The following DNAJC6 variants were observed in gnomAD, a reference collection of about 807,000 sequenced individuals.
The protein encoded by DNAJC6 is DnaJ heat shock protein family (Hsp40) member C6, also known as auxilin.
In DNAJC6, 34 loss-of-function variants were observed where a neutral mutation model predicts 110.0. The observed-to-expected ratio is 0.31, with a 90% CI of 0.24 to 0.41. The LOEUF is 0.41. Among genes scored for constraint, DNAJC6 ranks in the 10% least tolerant of loss-of-function variants. DNAJC6 has a pLI of 1.00. For missense variants in DNAJC6, 1,031 were observed against 1,207.8 expected, an observed-to-expected ratio of 0.85 and a Z score of 2.17; for synonymous variants, 406 against 437.2, an observed-to-expected ratio of 0.93 and a Z score of 0.89.
At chr1:65,274,930 G>A (rs1009133926) in intron 1 of DNAJC6, among the ~76,000 whole-genome samples, 4 of 152,062 alleles carry the variant, frequency 2.6e-5, no homozygotes, top group South Asian at 2.1e-4. Context: ...GCCTGCGTGC[G>A]TGTGCAAGTG....
intron 1 of DNAJC6, among the ~76,000 whole-genome samples, chr1:65,320,307 C>T (rs1645186362): frequency 1.3e-5 from 2 of 152,268 alleles, no homozygotes; most frequent in Admixed American, 6.5e-5. Flanking sequence ...CTTACTTTAC[C>T]TCTGTAGGAA....
chr1:65,375,583 G>C (rs373762338), intron 4 of DNAJC6, among the ~76,000 whole-genome samples: 12 of 151,968 alleles, frequency 7.9e-5, no homozygotes, highest in Admixed American at 6.6e-4. Context: ...CTGCCACCAC[G>C]CCCGGCTAAT....
chr1:65,365,915 T>C lies in DNAJC6; in HGVS notation c.375T>C (p.Tyr125=), dbSNP rs770837044. 3.1e-6 allele frequency: 5 copies of C among 1,613,526 alleles called. No individual in the cohort carries two copies. In the South Asian group the frequency reaches 3.3e-5, roughly 11 times the overall value. The change falls in exon 3 of 19, where the codon TAT becomes TAC. Residue 125 remains tyrosine, a synonymous_variant. Transcript: ENST00000371069. The part of the protein sequence containing the change: ...SYTKGDLDFT[Y]VTSRIIVMSF... ...CAAAGGGAGATTTAGACTTCACTTA[T>C]GTTACCTCCAGAATTATTGGTAAGT...
intron 1 of DNAJC6, among the ~76,000 whole-genome samples, chr1:65,347,577 G>A (rs1433015038): frequency 6.6e-6 from 1 of 151,910 alleles, no homozygotes; most frequent in South Asian, 2.1e-4. Flanking sequence ...GTATTTTAAT[G>A]TATAAAATAT....
intron 4 of DNAJC6, among the ~76,000 whole-genome samples, chr1:65,373,628 G>GT (rs60515960): frequency 0.47 from 68,719 of 144,706 alleles, 16,138 homozygotes; most frequent in Middle Eastern, 0.57. Flanking sequence ...TTTTTAATTT[G>GT]TTTTTTTTTT....
intron 11 of DNAJC6, among the ~76,000 whole-genome samples, chr1:65,391,307 A>G (rs1040028512): frequency 6.6e-6 from 1 of 152,162 alleles, no homozygotes; most frequent in Non-Finnish European, 1.5e-5. Context: ...ATTACATTTT[A>G]TAATTTGGAA....
chr1:65,343,829 A>C (rs574483602), intron 1 of DNAJC6, among the ~76,000 whole-genome samples: 11 of 152,312 alleles, frequency 7.2e-5, no homozygotes, highest in African/African-American at 2.2e-4. Context: ...GAAGAAGGAA[A>C]AAGGGAATTC....
chr1:65,403,745 C>T (rs1377054750), intron 15 of DNAJC6, among the ~76,000 whole-genome samples: 1 of 152,178 alleles, frequency 6.6e-6, no homozygotes, highest in African/African-American at 2.4e-5. Flanking sequence ...TGTAAGTTCT[C>T]TGCTTCAATA....
chr1:65,389,839 T>C (rs180999407), intron 11 of DNAJC6, among the ~76,000 whole-genome samples: 778 of 151,716 alleles, frequency 5.1e-3, no homozygotes, highest in African/African-American at 0.018. Flanking sequence ...AGTGAGACCC[T>C]ATCTCAACAA....
At chr1:65,322,223 C>T (rs1323656540) in intron 1 of DNAJC6, among the ~76,000 whole-genome samples, 1 of 152,116 alleles carries the variant, frequency 6.6e-6, no homozygotes, top group African/African-American at 2.4e-5. Flanking sequence ...AAATTAACCC[C>T]CCCAAACCTA....
intron 1 of DNAJC6, among the ~76,000 whole-genome samples, chr1:65,321,683 A>G (rs1645198530): frequency 6.6e-6 from 1 of 152,216 alleles, no homozygotes; most frequent in African/African-American, 2.4e-5. Context: ...ACTTACAATG[A>G]TCCAGTGAAG....
intron 15 of DNAJC6, among the ~76,000 whole-genome samples, chr1:65,402,773 T>A (rs1048982694): frequency 2.0e-5 from 3 of 152,234 alleles, no homozygotes; most frequent in Non-Finnish European, 4.4e-5. Flanking sequence ...AGCATCTTTA[T>A]CTTCCATTCT....
chr1:65,313,934 C>T (rs572887482), intron 1 of DNAJC6, among the ~76,000 whole-genome samples: 56 of 152,292 alleles, frequency 3.7e-4, no homozygotes, highest in Middle Eastern at 6.8e-3. Flanking sequence ...GTGTGCACCC[C>T]ACTTTTCAGG....
chr1:65,371,189 A>C (rs965724357), intron 4 of DNAJC6, among the ~76,000 whole-genome samples: 1 of 152,224 alleles, frequency 6.6e-6, no homozygotes, highest in Non-Finnish European at 1.5e-5. Flanking sequence ...AGTATAATGG[A>C]GAGTGCACAA....
intron 1 of DNAJC6, among the ~76,000 whole-genome samples, chr1:65,362,136 G>A (rs1645603662): frequency 2.5e-5 from 1 of 40,770 alleles, no homozygotes. Context: ...GGAGAAGAAA[G>A]TGGGATGTGA....
chr1:65,286,613 T>C (rs149435987), intron 1 of DNAJC6, among the ~76,000 whole-genome samples: 1 of 152,318 alleles, frequency 6.6e-6, no homozygotes, highest in Non-Finnish European at 1.5e-5. Flanking sequence ...GAAAAGCCCA[T>C]GTGCAGAAGA....
intron 1 of DNAJC6, among the ~76,000 whole-genome samples, chr1:65,361,629 T>C (rs1645598254): frequency 6.6e-6 from 1 of 152,176 alleles, no homozygotes; most frequent in Non-Finnish European, 1.5e-5. Flanking sequence ...GGTAAAAATG[T>C]AAAAGTCTGA....
intron 1 of DNAJC6, among the ~76,000 whole-genome samples, chr1:65,339,933 G>C (rs1645373534): frequency 6.6e-6 from 1 of 152,172 alleles, no homozygotes; most frequent in Non-Finnish European, 1.5e-5. Context: ...GTCCAGTTTG[G>C]TGATACTCCT....
intron 1 of DNAJC6, among the ~76,000 whole-genome samples, chr1:65,355,042 C>T (rs1645528766): frequency 6.6e-6 from 1 of 151,904 alleles, no homozygotes; most frequent in African/African-American, 2.4e-5. Context: ...TTTGGGAGGT[C>T]AAGGCAGGCA....
Sources: allele counts gnomAD v4.1 joint callset (sites outside exome capture counted in the v4.1 genomes callset), GRCh38; gene constraint gnomAD v4.1.1; transcripts MANE v1.5; gene names NCBI Gene and HGNC (gene_info 2026-07-23, HGNC 2026-07-21).